ESRRG: variants seen among roughly 807,000 people sequenced by gnomAD.
ESRRG encodes estrogen related receptor gamma, also known as estrogen-related receptor gamma.
A neutral mutation model predicts 44.0 loss-of-function variants in ESRRG; 13 were observed. That is an observed-to-expected ratio of 0.30 (90% CI 0.19 to 0.47). The LOEUF (loss-of-function observed/expected upper bound fraction) is 0.47. Among genes scored for constraint, ESRRG ranks in the 20% least tolerant of loss-of-function variants. The pLI, the probability that ESRRG is intolerant of heterozygous loss-of-function variation, is 1.00. For synonymous variants in ESRRG, 215 were observed against 214.6 expected, an observed-to-expected ratio of 1.00 and a Z score of -0.02; for missense variants, 395 against 580.6, an observed-to-expected ratio of 0.68 and a Z score of 3.29.
At chr1:216,943,772 A>C (rs888724938) in intron 1 of ESRRG, among the ~76,000 whole-genome samples, 2 of 152,168 alleles carry the variant, frequency 1.3e-5, no homozygotes, top group African/African-American at 4.8e-5. Flanking sequence ...AAACAGAAGA[A>C]ATTCCTCAGC....
At chr1:216,626,065 A>G (rs2063145018) in intron 3 of ESRRG, among the ~76,000 whole-genome samples, 1 of 152,096 alleles carries the variant, frequency 6.6e-6, no homozygotes, top group Admixed American at 6.5e-5. Context: ...AAAGCACCTG[A>G]TTTCTGCCCA....
At chr1:216,578,065 C>A (rs1449175242) in intron 3 of ESRRG, among the ~76,000 whole-genome samples, 5 of 151,884 alleles carry the variant, frequency 3.3e-5, no homozygotes, top group Middle Eastern at 3.4e-3. Context: ...CTCTGGTGAT[C>A]ATTATAACTT....
At position 216,505,197 on chromosome 1, in the gene ESRRG, G is replaced by C. The variant is rs1247509704; in HGVS notation, c.*1742C>G. The C allele has an allele frequency of 6.6e-6, 1 of 152,614 alleles. No homozygotes were observed. The highest frequency in any genetic ancestry group is 1.9e-4 in the East Asian group (1 of 5,186). The allele number at this position is 152,614 out of a possible 1,614,324, so 9.5% of individuals were successfully genotyped here. A position where few individuals can be genotyped will look rare whatever the true frequency, so the allele number is the denominator to read the frequency against. On this transcript the variant is annotated 3_prime_UTR_variant, in exon 7 of 7. Transcript: ENST00000408911. ...ACACTGGTCCATTGGTATAGCATTT[G>C]ATGGAGGTTACTGTTTATTGGTTAT...
intron 3 of ESRRG, among the ~76,000 whole-genome samples, chr1:216,622,153 A>G (rs1487505967): frequency 2.0e-5 from 3 of 152,218 alleles, no homozygotes; most frequent in Non-Finnish European, 2.9e-5. Flanking sequence ...CTCTAGCCAA[A>G]ATGATACTTA....
chr1:217,027,290 T>C (rs2081365715), intron 1 of ESRRG, among the ~76,000 whole-genome samples: 1 of 152,054 alleles, frequency 6.6e-6, no homozygotes, highest in African/African-American at 2.4e-5. Context: ...AAATAGTCAC[T>C]AATCTTCTGC....
At chr1:216,531,969 T>A (rs1370725454) in intron 5 of ESRRG, among the ~76,000 whole-genome samples, 1 of 152,032 alleles carries the variant, frequency 6.6e-6, no homozygotes, top group Non-Finnish European at 1.5e-5. Context: ...AGTTTTTATA[T>A]CAGGTTGATT....
intron 2 of ESRRG, among the ~76,000 whole-genome samples, chr1:216,805,687 T>C (rs2094767963): frequency 1.3e-5 from 2 of 151,750 alleles, no homozygotes; most frequent in Admixed American, 1.3e-4. Flanking sequence ...GCTTCCGCAG[T>C]GACAATTTGC....
chr1:216,710,979 C>T (rs2083472542), intron 1 of ESRRG, among the ~76,000 whole-genome samples: 1 of 152,164 alleles, frequency 6.6e-6, no homozygotes, highest in Non-Finnish European at 1.5e-5. Context: ...CCACCCTTCT[C>T]GTTGAAACAA....
chr1:216,516,753 T>A (rs890157007), intron 6 of ESRRG, among the ~76,000 whole-genome samples: 1 of 151,984 alleles, frequency 6.6e-6, no homozygotes, highest in Non-Finnish European at 1.5e-5. Flanking sequence ...GATATGTGTA[T>A]GGGCAGTTTA....
At chr1:216,535,584 A>G (rs894808153) in intron 5 of ESRRG, among the ~76,000 whole-genome samples, 4 of 152,074 alleles carry the variant, frequency 2.6e-5, no homozygotes, top group African/African-American at 9.7e-5. Flanking sequence ...AGTTAAAGAG[A>G]CTGCTCTTTC....
chr1:216,735,632 A>G (rs1325609928), intron 2 of ESRRG, among the ~76,000 whole-genome samples: 1 of 152,156 alleles, frequency 6.6e-6, no homozygotes, highest in African/African-American at 2.4e-5. Flanking sequence ...CATTACATTT[A>G]TAAATAAATC....
At chr1:217,009,704 T>TTC (rs2078265219) in intron 1 of ESRRG, among the ~76,000 whole-genome samples, 1 of 81,034 alleles carries the variant, frequency 1.2e-5, no homozygotes, top group African/African-American at 6.0e-5. Flanking sequence ...TTCTTTTTCT[T>TTC]TTTTTTTTTT....
chr1:216,977,025 C>A (rs535071153), intron 1 of ESRRG, among the ~76,000 whole-genome samples: 1 of 152,020 alleles, frequency 6.6e-6, no homozygotes, highest in Non-Finnish European at 1.5e-5. Context: ...ATAAGTCATG[C>A]CTATAGTCAT....
At chr1:216,900,518 A>T (rs1424912177) in intron 2 of ESRRG, among the ~76,000 whole-genome samples, 1 of 151,754 alleles carries the variant, frequency 6.6e-6, no homozygotes, top group Non-Finnish European at 1.5e-5. Context: ...TGTGGATGCA[A>T]GAGTGTGTGT....
At position 216,586,288 on chromosome 1, in the gene ESRRG, G is replaced by A. The variant is rs116017488; in HGVS notation, c.590-18190C>T. ...TTTAGCATAATTTTTTAAGACGCTG[G>A]AATAAAACTTACTTCTACAATATTT... On this transcript the variant is annotated intron_variant, in intron 3 of 6. Coordinates refer to ENST00000408911, the MANE Select transcript of ESRRG (RefSeq NM_001438.4). Among the ~76,000 whole-genome samples the A allele has an allele frequency of 9.9e-3, 1,498 of 152,042 alleles. 8 individuals are homozygous for A. Among genetic ancestry groups the A allele is most frequent in the Non-Finnish European group, 0.015 (1,021 of 67,980 alleles).
chr1:217,135,346 A>G (rs1273159109), intron 1 of ESRRG, among the ~76,000 whole-genome samples: 4 of 152,210 alleles, frequency 2.6e-5, no homozygotes, highest in Non-Finnish European at 4.4e-5. Context: ...TTTTGCGCCC[A>G]GATGCAAACT....
intron 1 of ESRRG, among the ~76,000 whole-genome samples, chr1:217,115,523 A>T (rs762020239): frequency 6.6e-6 from 1 of 151,958 alleles, no homozygotes; most frequent in Non-Finnish European, 1.5e-5. Context: ...ACACTTCTCC[A>T]GCTTCACTCT....
Position 216,665,568 on chromosome 1 carries a change from A to C in ESRRG, c.472+11508T>G, listed in dbSNP as rs774258457. ...GGGAGAAATGAGGAGTTGTTTCATG[A>C]GTGCAGAGTTTACATCTGGCATGAT... On this transcript the variant is annotated intron_variant, in intron 2 of 6. Coordinates refer to ENST00000408911, the MANE Select transcript of ESRRG (RefSeq NM_001438.4). Among the ~76,000 whole-genome samples the C allele has an allele frequency of 1.3e-5, 2 of 152,140 alleles. 1 individual carries two copies. Among genetic ancestry groups the C allele is most frequent in the African/African-American group, 4.8e-5 (2 of 41,436 alleles).
At chr1:216,534,050 C>T (rs2050182663) in intron 5 of ESRRG, among the ~76,000 whole-genome samples, 1 of 152,006 alleles carries the variant, frequency 6.6e-6, no homozygotes, top group African/African-American at 2.4e-5. Flanking sequence ...ATAATAGCTA[C>T]CTACAGATGA....
Sources: gnomAD v4.1 joint callset for allele counts (sites outside exome capture counted in the v4.1 genomes callset) on GRCh38, gnomAD v4.1.1 for gene constraint, MANE v1.5 for transcripts, NCBI Gene and HGNC (gene_info 2026-07-23, HGNC 2026-07-21) for gene names.